The following MEF2B variants were observed in gnomAD, a reference collection of about 807,000 sequenced individuals.
MEF2B encodes myocyte enhancer factor 2B, also known as myocyte-specific enhancer factor 2B.
In MEF2B, 15 loss-of-function variants were observed where a neutral mutation model predicts 32.2. The observed-to-expected ratio is 0.47, with a 90% CI of 0.31 to 0.72. MEF2B has a LOEUF of 0.72. Among genes scored for constraint, MEF2B ranks in the 30% least tolerant of loss-of-function variants. The pLI is 0.05. For missense variants in MEF2B, 441 were observed against 511.5 expected (o/e 0.86, Z 1.33); for synonymous variants, 205 against 225.6 (o/e 0.91, Z 0.82).
At position 19,147,043 on chromosome 19, in the gene MEF2B, C is replaced by T. The variant is rs765232670; in HGVS notation, c.534G>A (p.Gly178=). Residue 178 remains glycine, a synonymous_variant, in exon 5 of 9, where the codon GGG becomes GGA. Coordinates refer to ENST00000424583, the MANE Select transcript of MEF2B (RefSeq NM_001145785.2). The part of the protein sequence containing the change: ...SPFRPAAPKA[G]PPGLVHPLFS... ...CCACTGTCCCATGCTCACCTGGGGG[C>T]CCGGCTTTGGGGGCTGCTGGTCGGA... The T allele has an allele frequency of 1.9e-6, 3 of 1,600,900 alleles. No homozygotes were observed. Among genetic ancestry groups the T allele is most frequent in the Non-Finnish European group, 1.7e-6 (2 of 1,174,458 alleles).
intron 2 of MEF2B, among the ~76,000 whole-genome samples, chr19:19,150,286 T>C (rs1172970497): frequency 6.7e-6 from 1 of 150,092 alleles, no homozygotes; most frequent in African/African-American, 2.5e-5. Context: ...TCCCAGCACT[T>C]TGGGAGGCCG....
At chr19:19,163,053 A>C (rs2060177895) in intron 1 of MEF2B, among the ~76,000 whole-genome samples, 2 of 152,188 alleles carry the variant, frequency 1.3e-5, no homozygotes, top group African/African-American at 2.4e-5. Context: ...GACTGTGTCC[A>C]ACCCCGGGAC....
chr19:19,153,649 G>T lies in MEF2B; in HGVS notation c.-29-2885C>A, dbSNP rs551081305. On this transcript the variant is annotated intron_variant, in intron 1 of 8. Transcript: ENST00000424583. ...TTTTTGTATTTTTAGTAGAGACGGG[G>T]TTTCACCATGTTGGCCAGGCTGGTC... Among the ~76,000 whole-genome samples the T allele has an allele frequency of 3.3e-5, 5 of 152,188 alleles. No homozygotes were observed. In the South Asian group the frequency reaches 1.0e-3, roughly 32 times the overall value.
intron 1 of MEF2B, among the ~76,000 whole-genome samples, chr19:19,162,347 G>T (rs2060170975): frequency 6.6e-6 from 1 of 151,876 alleles, no homozygotes; most frequent in Non-Finnish European, 1.5e-5. Flanking sequence ...CACACTGGCT[G>T]GTCTTGAACT....
At chr19:19,160,927 T>TG (rs1006486350) in intron 1 of MEF2B, among the ~76,000 whole-genome samples, 4 of 151,496 alleles carry the variant, frequency 2.6e-5, no homozygotes, top group East Asian at 3.9e-4. Context: ...GGTACCCAGG[T>TG]GGGGGGGCAT....
chr19:19,169,351 C>CA lies in MEF2B; in HGVS notation c.-30+853dup, dbSNP rs11302220. Among the ~76,000 whole-genome samples the CA allele has an allele frequency of 3.5e-3, 515 of 146,958 alleles. 1 individual carries two copies. The highest frequency in any genetic ancestry group is 0.01 in the African/African-American group (413 of 39,646). ...TGGGCGACAGGATGAGACCCTGTCT[C>CA]AAAAAAAAAACAAAGAAAGAAAAGA... On this transcript the variant is annotated intron_variant, in intron 1 of 8. Coordinates refer to ENST00000424583, the MANE Select transcript of MEF2B (RefSeq NM_001145785.2).
At chr19:19,162,601 C>T (rs2060173286) in intron 1 of MEF2B, among the ~76,000 whole-genome samples, 1 of 152,192 alleles carries the variant, frequency 6.6e-6, no homozygotes, top group African/African-American at 2.4e-5. Flanking sequence ...CTCTGGCACC[C>T]ATGGGGAAAG....
Position 19,148,773 on chromosome 19 carries a change from T to G in MEF2B, c.258+453A>C, listed in dbSNP as rs1021091615. On this transcript the variant is annotated intron_variant, in intron 3 of 8. Coordinates refer to ENST00000424583, the MANE Select transcript of MEF2B (RefSeq NM_001145785.2). ...GTTGCCCAGGCTGGAGTGCAGTGGC[T>G]CGATCTCGGCTCACTGCAACCTCCG... Among the ~76,000 whole-genome samples the G allele has an allele frequency of 2.0e-5, 3 of 151,604 alleles. No individual in the cohort carries two copies. In the East Asian group the frequency reaches 5.9e-4, roughly 30 times the overall value.
intron 3 of MEF2B, among the ~76,000 whole-genome samples, chr19:19,148,680 C>CTAAT (rs1555774568): frequency 7.0e-6 from 1 of 142,160 alleles, no homozygotes; most frequent in Non-Finnish European, 1.5e-5. Flanking sequence ...ACTCCTCTGT[C>CTAAT]TTATTTATTT....
chr19:19,150,917 G>A (rs544899814), intron 1 of MEF2B, among the ~76,000 whole-genome samples, 153 bp from the exon 2 acceptor site: 5 of 152,122 alleles, frequency 3.3e-5, no homozygotes, highest in Admixed American at 6.5e-5. Context: ...CGCAGACCCC[G>A]CCCCCGGCCA....
Position 19,164,009 on chromosome 19 carries a change from C to G in MEF2B, c.-30+6196G>C, listed in dbSNP as rs575017217. ...TGAGATGGGTTTCGCTCTTGTTGCCCAGGCTGAAGTGCAGTGGTGCGATCT... is the reference window on the plus strand; with the variant it reads ...TGAGATGGGTTTCGCTCTTGTTGCCGAGGCTGAAGTGCAGTGGTGCGATCT... On this transcript the variant is annotated intron_variant, in intron 1 of 8. Coordinates refer to ENST00000424583, the MANE Select transcript of MEF2B (RefSeq NM_001145785.2). Among the ~76,000 whole-genome samples, 3 of 152,100 alleles carry G rather than the reference C, an allele frequency of 2.0e-5. No individual in the cohort carries two copies. The East Asian group carries it at 5.8e-4, about 29-fold the overall frequency.
At chr19:19,167,350 C>CAAA (rs34446494) in intron 1 of MEF2B, among the ~76,000 whole-genome samples, 7 of 98,536 alleles carry the variant, frequency 7.1e-5, no homozygotes, top group African/African-American at 1.2e-4. Flanking sequence ...GACTCTGTCT[C>CAAA]AAAAAAAAAA....
At chr19:19,159,639 G>A (rs1019245913) in intron 1 of MEF2B, among the ~76,000 whole-genome samples, 1 of 152,124 alleles carries the variant, frequency 6.6e-6, no homozygotes, top group Non-Finnish European at 1.5e-5. Flanking sequence ...TGAGCGATGT[G>A]GGGGTGAGGG....
In MEF2B at chr19:19,149,270, A is replaced by G. The variant is rs1319025703; in HGVS notation, c.214T>C (p.Tyr72His). ...MDRVLLKYTE[Y>H]SEPHESRTNT... ...GTGCGGCTCTCGTGGGGCTCGCTGT[A>G]CTCTGTGTACTTCAGCAGCACACGG... Residue 72 changes from tyrosine to histidine, a missense_variant, in exon 3 of 9, where the codon TAC becomes CAC. Around this residue, in one of 2 missense-constraint regions of MEF2B, gnomAD observed 115 missense variants for 183.1 expected, o/e 0.63. Coordinates refer to ENST00000424583, the MANE Select transcript of MEF2B (RefSeq NM_001145785.2). 6.2e-7 allele frequency: 1 copy of G among 1,613,288 alleles called. No homozygotes were observed. The highest frequency in any genetic ancestry group is 2.2e-5 in the East Asian group (1 of 44,760).
chr19:19,158,366 C>G (rs2060134107), intron 1 of MEF2B, among the ~76,000 whole-genome samples: 1 of 108,432 alleles, frequency 9.2e-6, no homozygotes, highest in Admixed American at 1.0e-4. Context: ...GGATTACAGG[C>G]GTGAGCATGG....
At chr19:19,148,791 A>T (rs954147980) in intron 3 of MEF2B, among the ~76,000 whole-genome samples, 16 of 151,378 alleles carry the variant, frequency 1.1e-4, no homozygotes, top group Non-Finnish European at 1.0e-4. Flanking sequence ...GGCTCACTGC[A>T]ACCTCCGCCT....
At position 19,147,722 on chromosome 19, in the gene MEF2B, C is replaced by T. The variant is rs147610637; in HGVS notation, c.369G>A (p.Pro123=). 8.7e-5 allele frequency: 140 copies of T among 1,613,754 alleles called. No homozygotes were observed. The African/African-American group carries it at 1.4e-3, about 16-fold the overall frequency. The stretch of plus-strand genomic sequence containing the variant: ...CATACAGCCGGGGTCGGGGCAAGGC[C>T]GGATCACCCCCTTCGCCTGCCAGCC... ...FRRLAGEGGD[P]ALPRPRLYPA... is the part of the protein sequence containing the mutation. Residue 123 remains proline (P), a synonymous_variant, in exon 4 of 9, where the codon CCG becomes CCA. Coordinates refer to ENST00000424583, the MANE Select transcript of MEF2B (RefSeq NM_001145785.2).
chr19:19,155,778 G>A (rs961538716), intron 1 of MEF2B, among the ~76,000 whole-genome samples: 2 of 152,246 alleles, frequency 1.3e-5, no homozygotes, highest in Non-Finnish European at 2.9e-5. Flanking sequence ...AGATGTTGGT[G>A]TGATCGGAAC....
chr19:19,166,708 A>G (rs11085253), intron 1 of MEF2B, among the ~76,000 whole-genome samples: 91,421 of 151,610 alleles, frequency 0.6, 27,912 homozygotes, highest in East Asian at 0.76. Flanking sequence ...ACAGGGAGCC[A>G]TGACTGCAAC....
Sources: allele counts gnomAD v4.1 joint callset (sites outside exome capture counted in the v4.1 genomes callset), GRCh38; gene constraint gnomAD v4.1.1; regional missense constraint gnomAD v4.1.1; transcripts MANE v1.5; gene names NCBI Gene and HGNC (gene_info 2026-07-23, HGNC 2026-07-21).